Variants in COL21A1 observed in about 807,000 individuals in gnomAD.
The protein encoded by COL21A1 is collagen type XXI alpha 1 chain, also known as collagen alpha-1(XXI) chain.
A neutral mutation model predicts 137.9 loss-of-function variants in COL21A1; 149 were observed. The ratio of observed to expected loss-of-function variants is 1.08; its 90% CI spans 0.95 to 1.24. COL21A1 has a LOEUF of 1.24. COL21A1 is among the 50% of genes most tolerant of loss of function. COL21A1 has a pLI of 0.00. For missense variants in COL21A1, 1,167 were observed against 1,158.4 expected (o/e 1.01, Z -0.11); for synonymous variants, 456 against 391.5 (o/e 1.16, Z -1.95).
At chr6:56,377,156 A>T (rs927601710) in intron 1 of COL21A1, among the ~76,000 whole-genome samples, 8 of 151,442 alleles carry the variant, frequency 5.3e-5, no homozygotes, top group Non-Finnish European at 1.0e-4. Context: ...TTATTTATTT[A>T]TTTTTTGTAT....
At chr6:56,263,969 AACAC>A (rs57637593) in intron 1 of COL21A1, among the ~76,000 whole-genome samples, 59,605 of 150,648 alleles carry the variant, frequency 0.4, 13,146 homozygotes, top group African/African-American at 0.59. Context: ...CTCATACACA[AACAC>A]ACACACACAC....
intron 1 of COL21A1, among the ~76,000 whole-genome samples, chr6:56,327,458 G>C (rs1351169095): frequency 1.3e-5 from 2 of 152,060 alleles, no homozygotes; most frequent in African/African-American, 4.8e-5. Flanking sequence ...TGTTTGGCCT[G>C]GGGAATGGAA....
Position 56,276,818 on chromosome 6 carries a change from T to TGGG in COL21A1, c.-38-94163_-38-94162insCCC, listed in dbSNP as rs1562036266. 1.0e-4 allele frequency: 82 copies of TGGG among 814,286 alleles called. 1 individual carries two copies. In the Admixed American group the frequency reaches 1.0e-3, roughly 10 times the overall value. The allele number at this position is 814,286 out of a possible 1,614,324, so 50.4% of individuals were successfully genotyped here. On this transcript the variant is annotated intron_variant, in intron 1 of 28. Transcript: ENST00000370819. The stretch of plus-strand genomic sequence containing the variant: ...GTTGTGTTTTTTTTGTTTTTTTTGT[T>TGGG]TTTTTTTTGAGACAGAGTCTCGCTC...
chr6:56,299,762 T>C (rs902682158), intron 1 of COL21A1, among the ~76,000 whole-genome samples: 2 of 152,028 alleles, frequency 1.3e-5, no homozygotes, highest in Non-Finnish European at 2.9e-5. Context: ...TATTCCCTAA[T>C]CCCAGAAGGT....
chr6:56,154,830 C>T (rs1005948634), intron 10 of COL21A1, among the ~76,000 whole-genome samples: 2 of 152,136 alleles, frequency 1.3e-5, no homozygotes, highest in African/African-American at 2.4e-5. Flanking sequence ...ATCACCTTAG[C>T]TCTCTGCATT....
intron 1 of COL21A1, among the ~76,000 whole-genome samples, chr6:56,324,497 C>T (rs1017164536): frequency 3.3e-5 from 5 of 151,962 alleles, no homozygotes; most frequent in African/African-American, 4.8e-5. Context: ...CAACACGTTG[C>T]CTAACATCCC....
chr6:56,127,839 T>G (rs1047000587), intron 12 of COL21A1, among the ~76,000 whole-genome samples: 18 of 152,204 alleles, frequency 1.2e-4, no homozygotes, highest in African/African-American at 4.1e-4. Context: ...TCCTCTTGTT[T>G]CCAGTGTCTT....
At chr6:56,087,870 A>G (rs1356479607) in intron 17 of COL21A1, among the ~76,000 whole-genome samples, 3 of 152,182 alleles carry the variant, frequency 2.0e-5, no homozygotes, top group African/African-American at 7.2e-5. Flanking sequence ...TGAGATTCTT[A>G]GTGGCATCTG....
rs566180356 is a variant in COL21A1 at position 56,280,402 on chromosome 6, A to G, written c.-38-97746T>C. ...GATATTATTATGGATTCTTTGCACAACTGAATGCAGCTCAGTGTAACTATC... is the reference window on the plus strand; with the variant it reads ...GATATTATTATGGATTCTTTGCACAGCTGAATGCAGCTCAGTGTAACTATC... On this transcript the variant is annotated intron_variant, in intron 1 of 28. Transcript: ENST00000370819. Among the ~76,000 whole-genome samples, 7 of 152,264 alleles carry G rather than the reference A, an allele frequency of 4.6e-5. No homozygotes were observed. In the South Asian group the frequency reaches 1.0e-3, roughly 23 times the overall value.
intron 1 of COL21A1, among the ~76,000 whole-genome samples, chr6:56,222,682 A>T (rs1324801676): frequency 2.0e-5 from 3 of 152,074 alleles, no homozygotes; most frequent in African/African-American, 7.2e-5. Context: ...GAAAAAAATC[A>T]TGTACACAAA....
intron 10 of COL21A1, among the ~76,000 whole-genome samples, chr6:56,143,057 T>G (rs961120431): frequency 2.0e-5 from 3 of 152,102 alleles, no homozygotes; most frequent in African/African-American, 4.8e-5. Context: ...CTTTCTAATA[T>G]TCTTTGCTAC....
At position 56,179,867 on chromosome 6, in the gene COL21A1, C is replaced by T. The variant is rs1332141744; in HGVS notation, c.351G>A (p.Gly117=). Residue 117 remains glycine, a synonymous_variant, in exon 3 of 30, where the codon GGG becomes GGA. Coordinates refer to ENST00000244728, the MANE Select transcript of COL21A1 (RefSeq NM_030820.4). ...ILYLGGNTKT[G]KAIQFALDYL... is the part of the protein sequence containing the mutation. ...AATCGAGCGCAAACTGGATGGCCTT[C>T]CCTGTCTTTGTGTTTCCTCCTAAGT... is the stretch of plus-strand genomic sequence containing the variant. 6.2e-7 allele frequency: 1 copy of T among 1,613,990 alleles called. No homozygotes were observed. Among genetic ancestry groups the T allele is most frequent in the Admixed American group, 1.7e-5 (1 of 60,004 alleles).
At chr6:56,194,056 T>C (rs1264732502) in intron 1 of COL21A1, among the ~76,000 whole-genome samples, 1 of 152,152 alleles carries the variant, frequency 6.6e-6, no homozygotes, top group Non-Finnish European at 1.5e-5. Context: ...TTTTGGTGAG[T>C]CATCACCAGG....
chr6:56,129,379 T>C (rs2840990), intron 12 of COL21A1, among the ~76,000 whole-genome samples: 116,266 of 151,944 alleles, frequency 0.77, 45,324 homozygotes, highest in African/African-American at 0.91. Context: ...ACTTTATAAG[T>C]GACAGCAACA....
chr6:56,119,766 G>A (rs1490161062), intron 16 of COL21A1, among the ~76,000 whole-genome samples: 1 of 151,984 alleles, frequency 6.6e-6, no homozygotes, highest in Non-Finnish European at 1.5e-5. Context: ...TACCTACAGT[G>A]AACTCATTTT....
rs774042178 is a variant in COL21A1, at chr6:56,059,099, G to T, written c.2686+66C>A. 6.1e-5 allele frequency: 73 copies of T among 1,192,478 alleles called. 1 individual carries two copies. The highest frequency in any genetic ancestry group is 8.2e-5 in the Non-Finnish European group (66 of 806,770). The allele number at this position is 1,192,478 out of a possible 1,614,324, so 73.9% of individuals were successfully genotyped here. A position where few individuals can be genotyped will look rare whatever the true frequency, so the allele number is the denominator to read the frequency against. On this transcript the variant is annotated intron_variant, in intron 29 of 29. Coordinates refer to ENST00000244728, the MANE Select transcript of COL21A1 (RefSeq NM_030820.4). The stretch of plus-strand genomic sequence containing the variant: ...TCTCAGTTTCAATTTATTTCACATA[G>T]ATCTATGATGACTTTTCTTAAAGCA...
At chr6:56,064,918 G>A (rs985485129) in intron 23 of COL21A1, among the ~76,000 whole-genome samples, 4 of 151,938 alleles carry the variant, frequency 2.6e-5, no homozygotes, top group Middle Eastern at 3.2e-3. Context: ...TATTAATAGT[G>A]GGAAAATAGT....
chr6:56,097,683 C>T (rs66585712), intron 17 of COL21A1, among the ~76,000 whole-genome samples: 1 of 143,792 alleles, frequency 7.0e-6, no homozygotes, highest in Admixed American at 7.6e-5. Context: ...GTCTGCTTGG[C>T]GATAAAACTG....
At chr6:56,070,715 T>C in intron 21 of COL21A1, 30 bp downstream of exon 21, 2 of 1,490,352 alleles carry the variant, frequency 1.3e-6, no homozygotes, top group Non-Finnish European at 1.8e-6. Flanking sequence ...ATAATTTCTT[T>C]GAAAATATTT....
Sources: allele counts gnomAD v4.1 joint callset (sites outside exome capture counted in the v4.1 genomes callset), GRCh38; gene constraint gnomAD v4.1.1; transcripts MANE v1.5; gene names NCBI Gene and HGNC (gene_info 2026-07-23, HGNC 2026-07-21).